The following PKNOX1 variants were observed in gnomAD, a reference collection of about 807,000 sequenced individuals.
PKNOX1 encodes the protein PBX/knotted 1 homeobox 1.
Under a neutral mutation model 51.9 loss-of-function variants are expected in PKNOX1, and 15 were observed. The ratio of observed to expected loss-of-function variants is 0.29; its 90% CI spans 0.19 to 0.45. The LOEUF is 0.45. Among genes scored for constraint, PKNOX1 ranks in the 20% least tolerant of loss-of-function variants. PKNOX1 has a pLI of 1.00. For missense variants in PKNOX1, 462 were observed against 547.5 expected (o/e 0.84, Z 1.56); for synonymous variants, 219 against 211.1 (o/e 1.04, Z -0.32).
chr21:43,014,243 G>A lies in PKNOX1; in HGVS notation c.522+1005G>A, dbSNP rs191670937. Among the ~76,000 whole-genome samples the A allele has an allele frequency of 3.8e-4, 58 of 152,064 alleles. 1 individual carries two copies. Among genetic ancestry groups the A allele is most frequent in the Admixed American group, 7.2e-4 (11 of 15,264 alleles). ...TCACCGTATTAGCCAGGATGGTCTC[G>A]ATCTCCTGACCTCGTGATCCGCCCG... On this transcript the variant is annotated intron_variant, in intron 5 of 10. Coordinates refer to ENST00000291547, the MANE Select transcript of PKNOX1 (RefSeq NM_004571.5).
intron 1 of PKNOX1, among the ~76,000 whole-genome samples, chr21:42,993,488 A>G (rs1325937243): frequency 6.6e-6 from 1 of 151,680 alleles, no homozygotes; most frequent in Non-Finnish European, 1.5e-5. Context: ...TTGTGTCCAA[A>G]GAGATTTTCG....
In PKNOX1 at chr21:42,987,394, A is replaced by AT. The variant is rs1568888748; in HGVS notation, c.-57+12730_-57+12731insT. Among the ~76,000 whole-genome samples the AT allele has an allele frequency of 4.0e-3, 383 of 94,868 alleles. 1 individual carries two copies. The highest frequency in any genetic ancestry group is 0.016 in the African/African-American group (366 of 22,896). 62.2% of individuals were successfully genotyped at this position (94,868 alleles called of 152,430 possible). The stretch of plus-strand genomic sequence containing the variant: ...CTAAACTCCCTCTCAAAAAAAAAAA[A>AT]AAAAAAAAAAATATATATATATATA... On this transcript the variant is annotated intron_variant, in intron 1 of 10. Transcript: ENST00000291547.
chr21:43,014,309 C>T (rs2146277149), intron 5 of PKNOX1, among the ~76,000 whole-genome samples: 1 of 152,210 alleles, frequency 6.6e-6, no homozygotes, highest in Non-Finnish European at 1.5e-5. Flanking sequence ...GCATGAGCTA[C>T]CACGCCTGGC....
intron 6 of PKNOX1, 125 bp from the exon 7 acceptor site, chr21:43,018,008 G>A: frequency 4.1e-5 from 24 of 585,184 alleles, no homozygotes; most frequent in Non-Finnish European, 6.0e-5. Flanking sequence ...CCAGGAGTTA[G>A]AGACCAGCCT....
intron 1 of PKNOX1, among the ~76,000 whole-genome samples, chr21:42,993,179 CAT>C (rs2146243484): frequency 6.6e-6 from 1 of 152,270 alleles, no homozygotes; most frequent in Non-Finnish European, 1.5e-5. Context: ...GGAGAAATGC[CAT>C]AGAGTTGGGG....
chr21:43,008,474 A>T (rs1979098350), intron 3 of PKNOX1, among the ~76,000 whole-genome samples: 1 of 152,242 alleles, frequency 6.6e-6, no homozygotes, highest in Admixed American at 6.5e-5. Context: ...GGAATGTCAG[A>T]CTTGTTTAGT....
intron 8 of PKNOX1, among the ~76,000 whole-genome samples, chr21:43,023,243 C>T (rs1364604940): frequency 6.6e-6 from 1 of 151,920 alleles, no homozygotes; most frequent in Non-Finnish European, 1.5e-5. Context: ...GTTTCCATGA[C>T]CTTGAGCTCA....
At position 43,028,856 on chromosome 21, in the gene PKNOX1, G is replaced by A. The variant is rs778034698; in HGVS notation, c.1081G>A (p.Glu361Lys). Reference sequence around the variant, plus strand: ...AGGAGTCGCACAGCCACCGCCGAGCGAGCTCACCATGTCGGAAGGTACAGG... The same window carrying A: ...AGGAGTCGCACAGCCACCGCCGAGCAAGCTCACCATGTCGGAAGGTACAGG... ...ASGVAQPPPS[E>K]LTMSEGAVVT... is the part of the protein sequence containing the mutation. The change falls in exon 10 of 11, where the codon GAG becomes AAG. Residue 361 changes from glutamate (E) to lysine (K), a missense_variant. Coordinates refer to ENST00000291547, the MANE Select transcript of PKNOX1 (RefSeq NM_004571.5). The A allele has an allele frequency of 1.8e-5, 29 of 1,614,166 alleles. No individual in the cohort carries two copies. Among genetic ancestry groups the A allele is most frequent in the Non-Finnish European group, 2.3e-5 (27 of 1,180,026 alleles).
intron 9 of PKNOX1, among the ~76,000 whole-genome samples, chr21:43,026,310 C>A (rs1445442483): frequency 6.6e-6 from 1 of 152,034 alleles, no homozygotes; most frequent in Admixed American, 6.5e-5. Flanking sequence ...TTAAAAATTC[C>A]AAATTTCTGA....
rs558538614 is a variant in PKNOX1, at chr21:42,992,797, TCA to T, written c.-56-11526_-56-11525del. Among the ~76,000 whole-genome samples the T allele has an allele frequency of 2.0e-3, 252 of 128,786 alleles. 3 individuals carry two copies. The highest frequency in any genetic ancestry group is 6.9e-3 in the African/African-American group (235 of 34,020). 84.5% of individuals were successfully genotyped at this position (128,786 alleles called of 152,430 possible). ...TTCCTCACAGCACTGGGGGGTTCTC[TCA>T]CAGCACTGGGGGGCTTCCTCACAGC... On this transcript the variant is annotated intron_variant, in intron 1 of 10. Coordinates refer to ENST00000291547, the MANE Select transcript of PKNOX1 (RefSeq NM_004571.5).
intron 1 of PKNOX1, among the ~76,000 whole-genome samples, chr21:43,003,548 TCGA>T (rs1978857021): frequency 6.6e-6 from 1 of 152,148 alleles, no homozygotes; most frequent in Non-Finnish European, 1.5e-5. Flanking sequence ...CTCTCCAGTC[TCGA>T]CGTAACAGCA....
chr21:42,987,923 A>C (rs1248962035), intron 1 of PKNOX1, among the ~76,000 whole-genome samples: 1 of 150,730 alleles, frequency 6.6e-6, no homozygotes, highest in African/African-American at 2.4e-5. Context: ...CGGCCTCTAC[A>C]TTTTTAAAGA....
At chr21:42,985,567 T>G (rs1267795353) in intron 1 of PKNOX1, among the ~76,000 whole-genome samples, 1 of 151,530 alleles carries the variant, frequency 6.6e-6, no homozygotes, top group African/African-American at 2.4e-5. Context: ...ACTCCTGACT[T>G]CAAATAAGTT....
chr21:42,986,566 C>T (rs2059053455), intron 1 of PKNOX1, among the ~76,000 whole-genome samples: 1 of 152,126 alleles, frequency 6.6e-6, no homozygotes, highest in Non-Finnish European at 1.5e-5. Context: ...ATTGACTGAA[C>T]ATCTCTTTGG....
rs577142692 is a variant in PKNOX1, at chr21:43,021,702, G to A, written c.849+271G>A. On this transcript the variant is annotated intron_variant, in intron 8 of 10. Transcript: ENST00000291547. This position sits in a 1 kb window ranked among gnomAD's most constrained non-coding sequence, Gnocchi z 4.6. ...CCACCACGAAGGGTGATGGGGTCAG[G>A]TGAGCCAGAAAAGTGGGCAGAGAAG... Among the ~76,000 whole-genome samples the A allele has an allele frequency of 3.3e-5, 5 of 152,342 alleles. No homozygotes were observed. The highest frequency in any genetic ancestry group is 7.3e-5 in the Non-Finnish European group (5 of 68,034).
chr21:43,027,841 A>G (rs1980048833), intron 9 of PKNOX1, among the ~76,000 whole-genome samples: 1 of 152,156 alleles, frequency 6.6e-6, no homozygotes, highest in African/African-American at 2.4e-5. Context: ...GCTTAAACCC[A>G]GGAGGCGGAG....
chr21:42,992,438 C>A (rs2146242069), intron 1 of PKNOX1, among the ~76,000 whole-genome samples: 1 of 152,166 alleles, frequency 6.6e-6, no homozygotes, highest in South Asian at 2.1e-4. Context: ...TAGTGTGAAC[C>A]CCCCGGTCAC....
At chr21:43,005,511 A>G (rs1361107927) in intron 2 of PKNOX1, among the ~76,000 whole-genome samples, 2 of 147,848 alleles carry the variant, frequency 1.4e-5, no homozygotes, top group African/African-American at 5.0e-5. Flanking sequence ...AGAAGTCCTT[A>G]GTCCTTTGGT....
intron 1 of PKNOX1, among the ~76,000 whole-genome samples, chr21:42,982,779 G>A (rs1402874520): frequency 1.3e-5 from 2 of 150,396 alleles, no homozygotes; most frequent in Non-Finnish European, 3.0e-5. Flanking sequence ...TAAACTTTAC[G>A]TTCTTCTAAA....
Sources: gnomAD v4.1 joint callset for allele counts (sites outside exome capture counted in the v4.1 genomes callset) on GRCh38, gnomAD v4.1.1 for gene constraint, Gnocchi (gnomAD v3.1) non-coding constraint, MANE v1.5 for transcripts, NCBI Gene and HGNC (gene_info 2026-07-23, HGNC 2026-07-21) for gene names.